KCNH1: variants seen among roughly 807,000 people sequenced by gnomAD.
KCNH1 encodes voltage-gated delayed rectifier potassium channel KCNH1.
KCNH1 carries 27 observed loss-of-function variants against 69.2 expected under a neutral mutation model. That is an observed-to-expected ratio of 0.39 (90% CI 0.29 to 0.54). The LOEUF (loss-of-function observed/expected upper bound fraction) is 0.54, where lower values mean the gene tolerates loss of function less well. KCNH1 is among the 20% of genes least tolerant of loss of function. The probability of loss-of-function intolerance (pLI) is 0.68; values close to 1 mark genes in which losing one functional copy is unlikely to be tolerated. For synonymous variants in KCNH1, 456 were observed against 487.7 expected (o/e 0.93, Z 0.86); for missense variants, 798 against 1,261.6 (o/e 0.63, Z 5.57).
chr1:210,860,196 G>T, intron 7 of KCNH1: 1 of 1,286,944 alleles, frequency 7.8e-7, no homozygotes, highest in Non-Finnish European at 1.1e-6. Flanking sequence ...AATTATAAAG[G>T]AGGGGCATCA....
intron 7 of KCNH1, among the ~76,000 whole-genome samples, chr1:210,892,164 T>C (rs2102524100): frequency 6.6e-6 from 1 of 151,514 alleles, no homozygotes; most frequent in South Asian, 2.1e-4. Context: ...TATACCTAGG[T>C]AACAAACCTG....
intron 5 of KCNH1, among the ~76,000 whole-genome samples, chr1:211,023,035 C>A (rs1182116784): frequency 1.3e-5 from 2 of 151,500 alleles, no homozygotes; most frequent in Non-Finnish European, 2.9e-5. Flanking sequence ...CACTTGAACC[C>A]GGGAGGCAGA....
At chr1:210,788,128 T>C (rs1328286332) in intron 9 of KCNH1, among the ~76,000 whole-genome samples, 1 of 152,254 alleles carries the variant, frequency 6.6e-6, no homozygotes, top group Non-Finnish European at 1.5e-5. Flanking sequence ...ACATTGTTTT[T>C]TCCCCCTTCT....
At chr1:210,821,802 C>CTATTTATTTATT (rs71767944) in intron 7 of KCNH1, among the ~76,000 whole-genome samples, 17 of 142,528 alleles carry the variant, frequency 1.2e-4, no homozygotes, top group African/African-American at 2.9e-4. Flanking sequence ...TTAACTCCAG[C>CTATTTATTTATT]TATTTATTTA....
intron 6 of KCNH1, among the ~76,000 whole-genome samples, chr1:211,000,717 G>A (rs1021071710): frequency 6.6e-6 from 1 of 151,958 alleles, no homozygotes; most frequent in Non-Finnish European, 1.5e-5. Flanking sequence ...CAATCCTAAG[G>A]CAAAAGAACA....
chr1:210,751,447 T>A (rs764178589), intron 10 of KCNH1, among the ~76,000 whole-genome samples: 64 of 151,824 alleles, frequency 4.2e-4, no homozygotes, highest in African/African-American at 1.5e-3. Flanking sequence ...TTAGCAAGAG[T>A]CAGAAGAGGC....
intron 6 of KCNH1, among the ~76,000 whole-genome samples, chr1:210,945,070 G>A (rs1687934631): frequency 1.3e-5 from 2 of 152,108 alleles, no homozygotes; most frequent in African/African-American, 4.8e-5. Flanking sequence ...GCTCATCCAG[G>A]TTATAGCATG....
intron 5 of KCNH1, among the ~76,000 whole-genome samples, chr1:211,035,301 T>G (rs1203718891): frequency 2.4e-5 from 3 of 127,088 alleles, no homozygotes; most frequent in Non-Finnish European, 4.7e-5. Context: ...CAGGCTGGAG[T>G]GCAGTGGCGG....
At chr1:210,985,966 C>T (rs951734009) in intron 6 of KCNH1, among the ~76,000 whole-genome samples, 14 of 152,132 alleles carry the variant, frequency 9.2e-5, no homozygotes, top group Non-Finnish European at 4.4e-5. Context: ...TCTGGGTGCT[C>T]CTGTATTGGG....
intron 7 of KCNH1, among the ~76,000 whole-genome samples, chr1:210,886,447 T>C (rs779266512): frequency 1.4e-4 from 22 of 151,954 alleles, no homozygotes; most frequent in African/African-American, 5.3e-4. Flanking sequence ...GAAAAACTAG[T>C]GCAAAAAGTC....
At chr1:210,985,630 G>A (rs1688815475) in intron 6 of KCNH1, among the ~76,000 whole-genome samples, 2 of 152,170 alleles carry the variant, frequency 1.3e-5, no homozygotes, top group African/African-American at 4.8e-5. Flanking sequence ...TAGTTTGATT[G>A]CACTGTGGTC....
chr1:210,862,236 TG>T, intron 7 of KCNH1: 1 of 1,129,258 alleles, frequency 8.9e-7, no homozygotes, highest in Non-Finnish European at 1.3e-6. Context: ...CTTGCAGGGC[TG>T]GGTCCATGGT....
chr1:210,774,870 A>G (rs969276584), intron 10 of KCNH1, among the ~76,000 whole-genome samples: 1 of 152,198 alleles, frequency 6.6e-6, no homozygotes, highest in African/African-American at 2.4e-5. Context: ...TGTCTCTCTT[A>G]TTCTCTGGAC....
At chr1:210,827,909 C>T (rs1006703259) in intron 7 of KCNH1, among the ~76,000 whole-genome samples, 4 of 152,136 alleles carry the variant, frequency 2.6e-5, no homozygotes, top group African/African-American at 7.2e-5. Context: ...GGCGTGATCT[C>T]GGCCGATGGC....
At chr1:210,756,287 T>C (rs1683397629) in intron 10 of KCNH1, among the ~76,000 whole-genome samples, 1 of 152,220 alleles carries the variant, frequency 6.6e-6, no homozygotes, top group South Asian at 2.1e-4. Context: ...AGTATCACTT[T>C]ACCAATAGGG....
At chr1:210,923,524 G>T (rs952601048) in intron 6 of KCNH1, among the ~76,000 whole-genome samples, 1 of 152,170 alleles carries the variant, frequency 6.6e-6, no homozygotes, top group Non-Finnish European at 1.5e-5. Context: ...CACTCAAATT[G>T]TTGCAAGCAT....
intron 1 of KCNH1, among the ~76,000 whole-genome samples, chr1:211,130,377 T>C (rs1691855218): frequency 6.6e-6 from 1 of 152,152 alleles, no homozygotes; most frequent in African/African-American, 2.4e-5. Flanking sequence ...GTAAACACCT[T>C]AGAAATGTTT....
intron 6 of KCNH1, among the ~76,000 whole-genome samples, chr1:210,960,486 G>T (rs969484955): frequency 6.6e-6 from 1 of 152,120 alleles, no homozygotes; most frequent in African/African-American, 2.4e-5. Flanking sequence ...AGATCAGTTT[G>T]CATTTTCTAG....
intron 10 of KCNH1, among the ~76,000 whole-genome samples, chr1:210,687,853 T>C (rs1681438891): frequency 6.6e-6 from 1 of 152,154 alleles, no homozygotes; most frequent in African/African-American, 2.4e-5. Flanking sequence ...TCCGTCTGCT[T>C]GGAGATGCTC....
Sources: gnomAD v4.1 joint callset for allele counts (sites outside exome capture counted in the v4.1 genomes callset) on GRCh38, gnomAD v4.1.1 for gene constraint, MANE v1.5 for transcripts, NCBI Gene and HGNC (gene_info 2026-07-23, HGNC 2026-07-21) for gene names.